The following PCGF3 variants were observed in gnomAD, a reference collection of about 807,000 sequenced individuals.
The protein encoded by PCGF3 is polycomb group ring finger 3.
PCGF3 carries 7 observed loss-of-function variants against 33.1 expected under a neutral mutation model. That is an observed-to-expected ratio of 0.21 (90% CI 0.12 to 0.40). The LOEUF (loss-of-function observed/expected upper bound fraction) is 0.40, where lower values mean the gene tolerates loss of function less well. Ranked by LOEUF, PCGF3 falls within the 10% of genes least tolerant of loss-of-function variation. The pLI is 1.00. For synonymous variants in PCGF3, 153 were observed against 121.3 expected (o/e 1.26, Z -1.72); for missense variants, 211 against 313.3 (o/e 0.67, Z 2.46).
chr4:727,569 A>G (rs1255641583), intron 1 of PCGF3, among the ~76,000 whole-genome samples: 1 of 152,006 alleles, frequency 6.6e-6, no homozygotes, highest in African/African-American at 2.4e-5. Context: ...TCATGAATGG[A>G]CAATTATTTT....
intron 7 of PCGF3, 55 bp from the exon 8 acceptor site, chr4:744,545 A>T: frequency 3.0e-6 from 4 of 1,355,054 alleles, no homozygotes; most frequent in South Asian, 1.3e-5. Context: ...GTAGTTTTTT[A>T]AATGGCTTGA....
rs761087234 is a variant in PCGF3, at chr4:744,597, A to C, written c.374-3A>C. On this transcript the variant is annotated splice_polypyrimidine_tract_variant and splice_region_variant and intron_variant, in intron 7 of 10. Transcript: ENST00000362003. The stretch of plus-strand genomic sequence containing the variant: ...GTGCGCTATGTTCTGTTTGTGCTAA[A>C]AGGTGAAACCAAAGCAGACGACAGT... The C allele has an allele frequency of 6.4e-7, 1 of 1,553,420 alleles. No individual in the cohort carries two copies. The highest frequency in any genetic ancestry group is 2.4e-5 in the East Asian group (1 of 41,152).
At chr4:763,975 G>A (rs547099922) in intron 9 of PCGF3, among the ~76,000 whole-genome samples, 8 of 152,332 alleles carry the variant, frequency 5.3e-5, no homozygotes, top group South Asian at 2.1e-4. Flanking sequence ...TAGGCCGTGC[G>A]ACTCCAGCTC....
At chr4:741,810 C>G (rs1051471459) in intron 6 of PCGF3, among the ~76,000 whole-genome samples, 1 of 152,184 alleles carries the variant, frequency 6.6e-6, no homozygotes, top group Non-Finnish European at 1.5e-5. Context: ...GAACTAGAGC[C>G]AAGGGTCAGG....
chr4:727,788 G>A (rs1401262875), intron 1 of PCGF3, among the ~76,000 whole-genome samples: 1 of 151,854 alleles, frequency 6.6e-6, no homozygotes, highest in African/African-American at 2.4e-5. Flanking sequence ...GTTTCCTGGT[G>A]AGGTTAACGT....
At chr4:753,896 G>A (rs964913538) in intron 8 of PCGF3, among the ~76,000 whole-genome samples, 2 of 152,222 alleles carry the variant, frequency 1.3e-5, no homozygotes, top group African/African-American at 4.8e-5. Flanking sequence ...TCGAGGCACT[G>A]CACTCCAGCC....
intron 8 of PCGF3, among the ~76,000 whole-genome samples, chr4:755,360 G>A (rs1052395873): frequency 1.3e-5 from 2 of 152,064 alleles, no homozygotes; most frequent in Non-Finnish European, 2.9e-5. Flanking sequence ...ACGTCTCTGG[G>A]CTCCTCTGCG....
rs567507097 is a variant in PCGF3, at chr4:720,722, G to A, written c.-189-9908G>A. ...GCGTGTGGACCCGGCGTGGACGGGCGGTGACGTGCGTGTGGACCCGGCGTG... is the reference window on the plus strand; with the variant it reads ...GCGTGTGGACCCGGCGTGGACGGGCAGTGACGTGCGTGTGGACCCGGCGTG... On this transcript the variant is annotated intron_variant, in intron 1 of 10. Coordinates refer to ENST00000362003, the Ensembl canonical transcript of PCGF3. This position sits in a 1 kb window ranked among gnomAD's most constrained non-coding sequence, Gnocchi z 5.6. Among the ~76,000 whole-genome samples the A allele has an allele frequency of 6.6e-6, 1 of 151,194 alleles. No homozygotes were observed. The highest frequency in any genetic ancestry group is 6.6e-5 in the Admixed American group (1 of 15,212).
At chr4:761,242 C>T (rs371206017) in intron 8 of PCGF3, 37 bp from the exon 9 acceptor site, 34 of 1,517,380 alleles carry the variant, frequency 2.2e-5, no homozygotes, top group Non-Finnish European at 2.7e-5. Flanking sequence ...CCGGGGGAAC[C>T]CTCCTGCTGC....
At chr4:747,767 C>T (rs943419559) in intron 8 of PCGF3, among the ~76,000 whole-genome samples, 31 of 152,258 alleles carry the variant, frequency 2.0e-4, no homozygotes, top group African/African-American at 7.2e-4. Flanking sequence ...ATAGTGCAGT[C>T]CTGGGAGCAC....
chr4:747,813 A>T (rs1744328505), intron 8 of PCGF3, among the ~76,000 whole-genome samples: 1 of 152,094 alleles, frequency 6.6e-6, no homozygotes, highest in Non-Finnish European at 1.5e-5. Flanking sequence ...TTCCCTGGGG[A>T]TGAAGGGAAG....
intron 6 of PCGF3, among the ~76,000 whole-genome samples, chr4:740,131 T>C (rs1744022901): frequency 6.6e-6 from 1 of 152,264 alleles, no homozygotes; most frequent in South Asian, 2.1e-4. Context: ...ACCAGAGGCC[T>C]CTTCCTGAAA....
intron 1 of PCGF3, among the ~76,000 whole-genome samples, chr4:722,816 CGCG>C (rs1743160475): frequency 2.9e-5 from 2 of 68,784 alleles, no homozygotes; most frequent in South Asian, 6.9e-4. Context: ...GGTCCACACT[CGCG>C]ACATCGCCAT....
chr4:712,441 G>GTTTTT (rs200989289), intron 1 of PCGF3, among the ~76,000 whole-genome samples: 1 of 152,052 alleles, frequency 6.6e-6, no homozygotes, highest in South Asian at 2.1e-4. Context: ...GTTTGTTTTT[G>GTTTTT]TTTTTTGTTT....
intron 5 of PCGF3, among the ~76,000 whole-genome samples, chr4:736,606 G>T (rs1340540694): frequency 8.8e-6 from 1 of 113,924 alleles, no homozygotes; most frequent in Non-Finnish European, 1.9e-5. Context: ...TGGGGTGTCC[G>T]CAGGGACGGT....
chr4:752,808 G>C (rs910898492), intron 8 of PCGF3, among the ~76,000 whole-genome samples: 1 of 152,256 alleles, frequency 6.6e-6, no homozygotes, highest in Non-Finnish European at 1.5e-5. Flanking sequence ...GGCAACCCCA[G>C]AGATTCCCGC....
intron 3 of PCGF3, among the ~76,000 whole-genome samples, chr4:732,693 C>T (rs909883258): frequency 1.8e-4 from 28 of 152,142 alleles, no homozygotes; most frequent in Admixed American, 3.3e-4. Context: ...GCGGTGATGA[C>T]GGAAGTGGTG....
rs1487936042 is a variant in PCGF3, at chr4:743,465, T to C, written c.263-9T>C. On this transcript the variant is annotated splice_polypyrimidine_tract_variant and intron_variant, in intron 6 of 10. Coordinates refer to ENST00000362003, the Ensembl canonical transcript of PCGF3. ...GTGAGATGAAAGACTGTGTGTTGAT[T>C]TTCCGCAGCGGAAATGAGAAAGCAG... 6.4e-7 allele frequency: 1 copy of C among 1,574,188 alleles called. No homozygotes were observed. Among genetic ancestry groups the C allele is most frequent in the Non-Finnish European group, 8.7e-7 (1 of 1,143,874 alleles).
chr4:768,115 A>G (rs887819802), exon 11 of PCGF3: 1 of 152,606 alleles, frequency 6.6e-6, no homozygotes, highest in Non-Finnish European at 1.5e-5. Context: ...AATGGTGCTA[A>G]GCTGATAGAT....
Sources: allele counts gnomAD v4.1 joint callset (sites outside exome capture counted in the v4.1 genomes callset), GRCh38; gene constraint gnomAD v4.1.1; non-coding constraint Gnocchi (gnomAD v3.1); transcripts MANE v1.5; gene names NCBI Gene and HGNC (gene_info 2026-07-23, HGNC 2026-07-21).